Variants in TRAM1 observed in about 807,000 individuals in gnomAD.
TRAM1 encodes the protein translocation associated membrane protein 1.
In TRAM1, 17 loss-of-function variants were observed where a neutral mutation model predicts 48.7. The observed-to-expected ratio is 0.35, with a 90% CI of 0.24 to 0.52. The LOEUF (loss-of-function observed/expected upper bound fraction) is 0.52. Among genes scored for constraint, TRAM1 ranks in the 20% least tolerant of loss-of-function variants. TRAM1 has a pLI of 0.94. For missense variants in TRAM1, 351 were observed against 441.5 expected, an observed-to-expected ratio of 0.79 and a Z score of 1.84; for synonymous variants, 182 against 154.0, an observed-to-expected ratio of 1.18 and a Z score of -1.34.
At chr8:70,578,306 G>A (rs899747639) in intron 10 of TRAM1, among the ~76,000 whole-genome samples, 10 of 152,190 alleles carry the variant, frequency 6.6e-5, no homozygotes, top group African/African-American at 1.4e-4. Context: ...ACAGAGTTTC[G>A]TCATGTTGCC....
At chr8:70,577,262 T>A (rs979915543) in intron 10 of TRAM1, among the ~76,000 whole-genome samples, 1 of 151,962 alleles carries the variant, frequency 6.6e-6, no homozygotes, top group Non-Finnish European at 1.5e-5. Context: ...GGATGGCAGG[T>A]TGATGGCAGC....
chr8:70,583,652 A>C lies in TRAM1; in HGVS notation c.888T>G (p.Val296=). The change falls in exon 9 of 11, where the codon GTT becomes GTG. Residue 296 remains valine (V), a splice_region_variant and synonymous_variant. Transcript: ENST00000262213. ...AAAAAATGTTAAATTGATCGTACCT[A>C]ACAGCTAACACATTGAAGTTTCCAG... ...FSTGNFNVLA[V]RIAVLASICV... is the part of the protein sequence containing the mutation. 6.2e-7 allele frequency: 1 copy of C among 1,609,840 alleles called. No individual in the cohort carries two copies. Among genetic ancestry groups the C allele is most frequent in the South Asian group, 1.1e-5 (1 of 89,874 alleles).
intron 5 of TRAM1, among the ~76,000 whole-genome samples, chr8:70,595,190 C>T (rs1005388402): frequency 1.3e-5 from 2 of 152,010 alleles, no homozygotes; most frequent in Non-Finnish European, 2.9e-5. Flanking sequence ...CAGTCTAGAA[C>T]CAATACTCTC....
chr8:70,576,778 A>G (rs567891863), intron 10 of TRAM1, among the ~76,000 whole-genome samples: 17 of 152,128 alleles, frequency 1.1e-4, no homozygotes, highest in African/African-American at 3.9e-4. Context: ...CATCCCTTTC[A>G]AAGTTGGAGT....
intron 1 of TRAM1, among the ~76,000 whole-genome samples, chr8:70,600,997 G>C (rs1282059044): frequency 6.6e-6 from 1 of 152,176 alleles, no homozygotes; most frequent in Non-Finnish European, 1.5e-5. Flanking sequence ...ATTATTGAGT[G>C]CTAGAAAGGA....
intron 4 of TRAM1, among the ~76,000 whole-genome samples, chr8:70,596,538 C>T (rs1454707156): frequency 6.6e-6 from 1 of 152,068 alleles, no homozygotes; most frequent in Non-Finnish European, 1.5e-5. Flanking sequence ...GATATGGAAT[C>T]AGGTAAGACA....
At chr8:70,582,448 T>G (rs1474728960) in intron 10 of TRAM1, among the ~76,000 whole-genome samples, 1 of 149,732 alleles carries the variant, frequency 6.7e-6, no homozygotes, top group African/African-American at 2.5e-5. Context: ...CACCCCCCAC[T>G]GCACCTAGAT....
rs748269256 is a variant in TRAM1 at position 70,583,330 on chromosome 8, A to G, written c.891-6T>C. The G allele has an allele frequency of 6.2e-7, 1 of 1,612,190 alleles. No individual in the cohort carries two copies. The highest frequency in any genetic ancestry group is 1.3e-5 in the African/African-American group (1 of 74,874). ...TGGATGCCAGAACAGCGATTCTAAGAAATATTAAGACATAAAAAGTTAGTG... is the reference window on the plus strand; with the variant it reads ...TGGATGCCAGAACAGCGATTCTAAGGAATATTAAGACATAAAAAGTTAGTG... On this transcript the variant is annotated splice_polypyrimidine_tract_variant and splice_region_variant and intron_variant, in intron 9 of 10. Coordinates refer to ENST00000262213, the MANE Select transcript of TRAM1 (RefSeq NM_014294.6).
intron 4 of TRAM1, among the ~76,000 whole-genome samples, chr8:70,597,556 G>A (rs1817514822): frequency 6.7e-6 from 1 of 149,544 alleles, no homozygotes; most frequent in Non-Finnish European, 1.5e-5. Context: ...TGTAGTCCCA[G>A]CTACTTGGGA....
At chr8:70,606,222 T>C (rs1385621014) in intron 1 of TRAM1, among the ~76,000 whole-genome samples, 2 of 152,212 alleles carry the variant, frequency 1.3e-5, no homozygotes, top group African/African-American at 2.4e-5. Context: ...CAGGGTCTTC[T>C]TGCTCTGTCC....
chr8:70,582,632 G>A (rs540892697), intron 10 of TRAM1, among the ~76,000 whole-genome samples: 5 of 151,678 alleles, frequency 3.3e-5, no homozygotes, highest in Admixed American at 3.3e-4. Context: ...ATAGTTCTAA[G>A]CCTAATACCA....
intron 10 of TRAM1, among the ~76,000 whole-genome samples, chr8:70,576,083 A>C (rs1162158523): frequency 2.9e-4 from 42 of 147,166 alleles, no homozygotes; most frequent in Non-Finnish European, 5.8e-4. Flanking sequence ...AAAAAAAGAA[A>C]AAAAAAAAAA....
At chr8:70,599,964 G>C in intron 2 of TRAM1, 55 bp downstream of exon 2, 1 of 1,453,786 alleles carries the variant, frequency 6.9e-7, no homozygotes. Context: ...AAATTTCCAA[G>C]TTTGTTCAAC....
At chr8:70,579,401 A>G (rs1197973561) in intron 10 of TRAM1, among the ~76,000 whole-genome samples, 1 of 152,202 alleles carries the variant, frequency 6.6e-6, no homozygotes, top group East Asian at 1.9e-4. Context: ...GTATACACAT[A>G]TGTTGTACAG....
At chr8:70,585,320 A>T (rs1222825127) in intron 8 of TRAM1, among the ~76,000 whole-genome samples, 1 of 152,098 alleles carries the variant, frequency 6.6e-6, no homozygotes, top group Non-Finnish European at 1.5e-5. Context: ...AAACATAAAA[A>T]CCCTAGAAGA....
At chr8:70,605,064 C>T (rs1436864185) in intron 1 of TRAM1, among the ~76,000 whole-genome samples, 2 of 152,154 alleles carry the variant, frequency 1.3e-5, no homozygotes, top group African/African-American at 4.8e-5. Flanking sequence ...TACATTACTG[C>T]CAAACAGACT....
intron 6 of TRAM1, among the ~76,000 whole-genome samples, chr8:70,590,079 G>A (rs956605114): frequency 2.0e-5 from 3 of 150,298 alleles, no homozygotes; most frequent in African/African-American, 7.3e-5. Flanking sequence ...TGAGGGAAGC[G>A]TTTTAGTTTT....
chr8:70,575,996 G>A (rs186475469), intron 10 of TRAM1, among the ~76,000 whole-genome samples: 190 of 150,566 alleles, frequency 1.3e-3, no homozygotes, highest in Non-Finnish European at 1.8e-3. Flanking sequence ...ACTTGAGCCC[G>A]GGAGGCAAAG....
intron 10 of TRAM1, among the ~76,000 whole-genome samples, chr8:70,577,886 A>G (rs1427237435): frequency 1.3e-5 from 2 of 152,240 alleles, no homozygotes; most frequent in African/African-American, 4.8e-5. Context: ...CGCATGCAGT[A>G]CATCTGGTCC....
Sources: allele counts gnomAD v4.1 joint callset (sites outside exome capture counted in the v4.1 genomes callset), GRCh38; gene constraint gnomAD v4.1.1; transcripts MANE v1.5; gene names NCBI Gene and HGNC (gene_info 2026-07-23, HGNC 2026-07-21).